OPRM1: variants seen among roughly 807,000 people sequenced by gnomAD.
The protein encoded by OPRM1 is opioid receptor mu 1.
In OPRM1, 27 loss-of-function variants were observed where a neutral mutation model predicts 31.8. The observed-to-expected ratio is 0.85, with a 90% CI of 0.63 to 1.17. The LOEUF (loss-of-function observed/expected upper bound fraction) is 1.17, where lower values mean the gene tolerates loss of function less well. OPRM1 is among the 50% of genes most tolerant of loss of function. The pLI is 0.00. For missense variants in OPRM1, 536 were observed against 511.1 expected (o/e 1.05, Z -0.47); for synonymous variants, 196 against 189.9 (o/e 1.03, Z -0.26).
At chr6:154,111,462 T>C (rs1796351894) in intron 3 of OPRM1, among the ~76,000 whole-genome samples, 1 of 152,086 alleles carries the variant, frequency 6.6e-6, no homozygotes. Flanking sequence ...AAAATAAAAA[T>C]ATTAAACCAA....
At chr6:154,156,313 C>G (rs1798712314) in intron 3 of OPRM1, 1 of 152,228 alleles carries the variant, frequency 6.6e-6, no homozygotes, top group Non-Finnish European at 1.5e-5. Flanking sequence ...TATGCTAAGC[C>G]CAGTGCAATG....
chr6:154,198,122 G>C (rs1321059815), intron 3 of OPRM1, among the ~76,000 whole-genome samples: 1 of 152,078 alleles, frequency 6.6e-6, no homozygotes, highest in Non-Finnish European at 1.5e-5. Flanking sequence ...CAGTGATAAG[G>C]AATGCATTCC....
intron 3 of OPRM1, chr6:154,157,726 G>A (rs1392137903): frequency 1.3e-5 from 2 of 152,236 alleles, no homozygotes; most frequent in Non-Finnish European, 1.5e-5. Context: ...GGCACTTTAT[G>A]TCACACTGTT....
At position 154,024,660 on chromosome 6, in the gene OPRM1, TA is replaced by T. The variant is rs201685810; in HGVS notation, c.-1+13644del. Among the ~76,000 whole-genome samples the T allele has an allele frequency of 4.9e-3, 739 of 151,736 alleles. 1 individual carries two copies. Among genetic ancestry groups the T allele is most frequent in the African/African-American group, 0.016 (660 of 41,290 alleles). ...TTGCTTATTTGAAGTTTTTTTTTTT[TA>T]ATGTAGGCACTTAATAGCTACAGAC... On this transcript the variant is annotated intron_variant, in intron 1 of 5. Coordinates refer to the OPRM1 transcript ENST00000434900.
intron 3 of OPRM1, chr6:154,091,697 C>T: frequency 4.6e-6 from 6 of 1,293,816 alleles, no homozygotes; most frequent in Non-Finnish European, 5.9e-6. Flanking sequence ...ATGAGAAATC[C>T]ATGAAACTAT....
chr6:154,127,512 A>G lies in OPRM1; in HGVS notation c.*8791A>G, dbSNP rs746873257. On this transcript the variant is annotated 3_prime_UTR_variant, in exon 4 of 4. Coordinates refer to ENST00000330432, the MANE Select transcript of OPRM1 (RefSeq NM_000914.5). ...CTGAAATGTTTGTCATCACACAGATACACGCTCAGGATAAGAACTACCAGA... is the reference window on the plus strand; with the variant it reads ...CTGAAATGTTTGTCATCACACAGATGCACGCTCAGGATAAGAACTACCAGA... 1.3e-4 allele frequency among the ~76,000 whole-genome samples: 20 copies of G among 152,182 alleles called. No individual in the cohort carries two copies. Among genetic ancestry groups the G allele is most frequent in the Non-Finnish European group, 2.5e-4 (17 of 68,044 alleles).
chr6:154,152,344 AAAGG>A (rs1436683203), intron 3 of OPRM1, among the ~76,000 whole-genome samples: 16 of 11,420 alleles, frequency 1.4e-3, no homozygotes, highest in East Asian at 7.9e-3. Flanking sequence ...AGAAAGAAAG[AAAGG>A]AAAGAAAGAA....
At chr6:154,190,492 CAAAACACAG>C (rs1801775307) in intron 3 of OPRM1, among the ~76,000 whole-genome samples, 2 of 152,152 alleles carry the variant, frequency 1.3e-5, no homozygotes, top group Admixed American at 1.3e-4. Context: ...GGCGAAAATC[CAAAACACAG>C]AAAACACCAA....
chr6:154,096,422 A>G (rs943837567), intron 3 of OPRM1, among the ~76,000 whole-genome samples: 5 of 152,116 alleles, frequency 3.3e-5, no homozygotes, highest in African/African-American at 4.8e-5. Context: ...TTATATGGGG[A>G]AAAAAGCAAC....
At chr6:154,172,334 G>C (rs1225530980) in intron 3 of OPRM1, among the ~76,000 whole-genome samples, 6 of 152,196 alleles carry the variant, frequency 3.9e-5, no homozygotes, top group Non-Finnish European at 7.4e-5. Flanking sequence ...GCAGGGCTGG[G>C]TGTCACCTCA....
At chr6:154,087,187 G>A (rs1790795647) in intron 1 of OPRM1, 3 of 985,422 alleles carry the variant, frequency 3.0e-6, no homozygotes, top group Non-Finnish European at 3.6e-6. Flanking sequence ...TGCAGCTTCT[G>A]CAAGTATTGC....
chr6:154,092,050 T>C, intron 3 of OPRM1: 1 of 298,298 alleles, frequency 3.4e-6, no homozygotes, highest in Non-Finnish European at 5.0e-6. Context: ...TCAAACATAT[T>C]AGACTGAATA....
chr6:154,140,128 T>C (rs1164865874), intron 3 of OPRM1, among the ~76,000 whole-genome samples: 4 of 152,136 alleles, frequency 2.6e-5, no homozygotes, highest in Non-Finnish European at 4.4e-5. Flanking sequence ...TACCAGCATT[T>C]ATTCAGTGAA....
At chr6:154,020,666 A>G (rs1778314223) in intron 1 of OPRM1, among the ~76,000 whole-genome samples, 1 of 152,210 alleles carries the variant, frequency 6.6e-6, no homozygotes, top group Non-Finnish European at 1.5e-5. Flanking sequence ...CATTCCCACC[A>G]GCAATGAATG....
In OPRM1 at chr6:154,130,170, C is replaced by CTTTCT. The variant is rs747564517; in HGVS notation, c.*11452_*11453insCTTTT. Among the ~76,000 whole-genome samples the CTTTCT allele has an allele frequency of 1.3e-4, 9 of 71,778 alleles. 3 individuals carry two copies. Among genetic ancestry groups the CTTTCT allele is most frequent in the Non-Finnish European group, 8.6e-5 (3 of 34,908 alleles). The allele number at this position is 71,778 out of a possible 152,430, so 47.1% of individuals were successfully genotyped here. A position where few individuals can be genotyped will look rare whatever the true frequency, so the allele number is the denominator to read the frequency against. The stretch of plus-strand genomic sequence containing the variant: ...GATTTCATGGAAATGTTTAAATTTT[C>CTTTCT]TTTTTTTTTTTTTTTTTTGATGGAG... On this transcript the variant is annotated 3_prime_UTR_variant, in exon 4 of 4. Coordinates refer to ENST00000330432, the MANE Select transcript of OPRM1 (RefSeq NM_000914.5).
chr6:154,080,956 A>G (rs1304260029), intron 1 of OPRM1, among the ~76,000 whole-genome samples: 1 of 152,122 alleles, frequency 6.6e-6, no homozygotes, highest in African/African-American at 2.4e-5. Context: ...CTTTCTAACA[A>G]TCCCAATTCT....
intron 1 of OPRM1, among the ~76,000 whole-genome samples, chr6:154,040,106 G>A (rs946423584): frequency 3.3e-5 from 5 of 152,128 alleles, no homozygotes; most frequent in African/African-American, 1.2e-4. Flanking sequence ...GGTGGGGGGC[G>A]GAGGGAAGCT....
intron 1 of OPRM1, among the ~76,000 whole-genome samples, chr6:154,068,826 C>T (rs1168705759): frequency 6.6e-6 from 1 of 152,180 alleles, no homozygotes; most frequent in Non-Finnish European, 1.5e-5. Flanking sequence ...TTTCCACCAA[C>T]ATTGTGTGAG....
intron 3 of OPRM1, among the ~76,000 whole-genome samples, chr6:154,097,720 A>AT (rs752102994): frequency 2.7e-4 from 41 of 152,232 alleles, no homozygotes; most frequent in East Asian, 2.5e-3. Context: ...TCTATAAATT[A>AT]TTGTGATATG....
Sources: gnomAD v4.1 joint callset for allele counts (sites outside exome capture counted in the v4.1 genomes callset) on GRCh38, gnomAD v4.1.1 for gene constraint, MANE v1.5 for transcripts, NCBI Gene and HGNC (gene_info 2026-07-23, HGNC 2026-07-21) for gene names.